The following LRRC7 variants were observed in gnomAD, a reference collection of about 807,000 sequenced individuals.
LRRC7 encodes the protein leucine rich repeat containing 7.
Under a neutral mutation model 175.7 loss-of-function variants are expected in LRRC7, and 23 were observed. The ratio of observed to expected loss-of-function variants is 0.13; its 90% confidence interval spans 0.09 to 0.19. LRRC7 has a LOEUF of 0.19. Among genes scored for constraint, LRRC7 ranks in the 10% least tolerant of loss-of-function variants. The pLI is 1.00. For missense variants in LRRC7, 1,354 were observed against 1,904.7 expected (o/e 0.71, Z 5.38); for synonymous variants, 685 against 680.9 (o/e 1.01, Z -0.09).
At chr1:69,887,580 A>G (rs1241467642) in intron 7 of LRRC7, among the ~76,000 whole-genome samples, 19 of 152,064 alleles carry the variant, frequency 1.2e-4, no homozygotes, top group Admixed American at 1.2e-3. Context: ...CCCATAGCTC[A>G]GAGTAATTTG....
chr1:69,928,098 A>G (rs993048533), intron 7 of LRRC7, among the ~76,000 whole-genome samples: 1 of 152,128 alleles, frequency 6.6e-6, no homozygotes, highest in African/African-American at 2.4e-5. Context: ...GGGTATCAGC[A>G]GCGGTGGCTG....
rs994512842 is a variant in LRRC7 at position 70,141,335 on chromosome 1, T to C, written c.*19448T>C. 2 of 152,168 alleles carry C rather than the reference T, an allele frequency of 1.3e-5. No individual in the cohort carries two copies. Among genetic ancestry groups the C allele is most frequent in the Non-Finnish European group, 2.9e-5 (2 of 68,020 alleles). The allele number at this position is 152,168 out of a possible 1,614,324, so 9.4% of individuals were successfully genotyped here. On this transcript the variant is annotated 3_prime_UTR_variant, in exon 27 of 27. Transcript: ENST00000651989. ...GCCTGCAAATGAGACAATAGCTTCA[T>C]GCAGACTTTGGCCCAACTCTGTCTA...
At chr1:69,677,142 C>T (rs1659866468) in intron 1 of LRRC7, among the ~76,000 whole-genome samples, 1 of 139,256 alleles carries the variant, frequency 7.2e-6, no homozygotes, top group Non-Finnish European at 1.6e-5. Context: ...TATATAAACA[C>T]ATATACATGG....
chr1:69,781,759 G>GAAAGAA (rs1557719794), intron 3 of LRRC7, among the ~76,000 whole-genome samples: 2 of 42,178 alleles, frequency 4.7e-5, no homozygotes, highest in Non-Finnish European at 8.0e-5. Flanking sequence ...GAGAGAGAGA[G>GAAAGAA]AGAGAGAAAG....
intron 8 of LRRC7, among the ~76,000 whole-genome samples, chr1:69,961,199 G>C (rs1570812149): frequency 6.6e-6 from 1 of 152,254 alleles, no homozygotes; most frequent in East Asian, 1.9e-4. Context: ...TAGTCAAGCT[G>C]AGAGTCAAAT....
At chr1:69,816,964 A>AG (rs1321620424) in intron 4 of LRRC7, among the ~76,000 whole-genome samples, 1 of 152,112 alleles carries the variant, frequency 6.6e-6, no homozygotes, top group Non-Finnish European at 1.5e-5. Context: ...TGTTCCAAAT[A>AG]GGAGGATTTG....
intron 3 of LRRC7, among the ~76,000 whole-genome samples, chr1:69,763,413 C>T (rs966316834): frequency 2.0e-5 from 3 of 152,084 alleles, no homozygotes; most frequent in African/African-American, 7.2e-5. Flanking sequence ...AATTCTTCAA[C>T]TAATTTGTCT....
At chr1:69,750,875 T>C (rs1033159205) in intron 2 of LRRC7, among the ~76,000 whole-genome samples, 5 of 152,154 alleles carry the variant, frequency 3.3e-5, no homozygotes, top group Non-Finnish European at 7.4e-5. Flanking sequence ...TATCACCACA[T>C]GGGGATTAAG....
At chr1:70,094,214 A>C (rs562453971) in intron 25 of LRRC7, among the ~76,000 whole-genome samples, 1 of 152,282 alleles carries the variant, frequency 6.6e-6, no homozygotes, top group Admixed American at 6.5e-5. Context: ...ACAGCAGCAA[A>C]TATACATACT....
At chr1:70,110,790 A>G (rs1665476479) in intron 26 of LRRC7, among the ~76,000 whole-genome samples, 1 of 152,222 alleles carries the variant, frequency 6.6e-6, no homozygotes, top group African/African-American at 2.4e-5. Flanking sequence ...TAAAAAGCAT[A>G]CATGGCCAAT....
At chr1:69,764,345 AC>A (rs1671367483) in intron 3 of LRRC7, among the ~76,000 whole-genome samples, 1 of 151,976 alleles carries the variant, frequency 6.6e-6, no homozygotes, top group Non-Finnish European at 1.5e-5. Flanking sequence ...TGCCAAAAAA[AC>A]TTCTTGAAAC....
intron 1 of LRRC7, among the ~76,000 whole-genome samples, chr1:69,571,124 G>A (rs1645723448): frequency 6.6e-6 from 1 of 151,846 alleles, no homozygotes; most frequent in Non-Finnish European, 1.5e-5. Context: ...TGAGGTGAGA[G>A]TTCTTTATAC....
At position 69,870,705 on chromosome 1, in the gene LRRC7, G is replaced by A. The variant is rs1326524273; in HGVS notation, c.647+32422G>A. ...GGAGAAATAAAGACCCAAATTATAA[G>A]TTAGCTCTTAAAATTATTTCTTGAA... On this transcript the variant is annotated intron_variant, in intron 7 of 26. Coordinates refer to ENST00000651989, the MANE Select transcript of LRRC7 (RefSeq NM_001370785.2). 2.6e-5 allele frequency among the ~76,000 whole-genome samples: 4 copies of A among 152,080 alleles called. No homozygotes were observed. In the South Asian group the frequency reaches 6.2e-4, roughly 24 times the overall value.
chr1:69,807,530 A>G (rs945206242), intron 4 of LRRC7, among the ~76,000 whole-genome samples: 1 of 151,996 alleles, frequency 6.6e-6, no homozygotes, highest in African/African-American at 2.4e-5. Flanking sequence ...TTGTCTGTAA[A>G]GGGTTTTATT....
intron 9 of LRRC7, 69 bp downstream of exon 9, chr1:69,980,522 T>G (rs1235529407): frequency 2.5e-6 from 3 of 1,199,818 alleles, no homozygotes; most frequent in African/African-American, 1.5e-5. Flanking sequence ...GATCATAATC[T>G]CAACTCTTAA....
At chr1:69,665,861 T>G (rs1160026319) in intron 1 of LRRC7, among the ~76,000 whole-genome samples, 1 of 152,112 alleles carries the variant, frequency 6.6e-6, no homozygotes, top group Non-Finnish European at 1.5e-5. Context: ...CAGAACTATG[T>G]TGAAAAACAG....
chr1:69,939,640 ACT>A (rs1648499094), intron 8 of LRRC7, among the ~76,000 whole-genome samples: 1 of 152,090 alleles, frequency 6.6e-6, no homozygotes, highest in Non-Finnish European at 1.5e-5. Flanking sequence ...GCAAGTCGGT[ACT>A]GTGTCCTGAA....
chr1:69,628,104 G>A (rs946980735), intron 1 of LRRC7, among the ~76,000 whole-genome samples: 22 of 152,028 alleles, frequency 1.4e-4, no homozygotes, highest in African/African-American at 5.3e-4. Flanking sequence ...CTCACTACTC[G>A]TTCTCAGCAT....
chr1:70,012,004 C>A, intron 12 of LRRC7, 78 bp downstream of exon 12: 1 of 982,572 alleles, frequency 1.0e-6, no homozygotes, highest in Non-Finnish European at 1.6e-6. Flanking sequence ...GGTAGAATAG[C>A]AATGTAGATT....
Sources: allele counts gnomAD v4.1 joint callset (sites outside exome capture counted in the v4.1 genomes callset), GRCh38; gene constraint gnomAD v4.1.1; transcripts MANE v1.5; gene names NCBI Gene and HGNC (gene_info 2026-07-23, HGNC 2026-07-21).